Variants in NCKAP5L observed in about 807,000 individuals in gnomAD.
NCKAP5L encodes nck-associated protein 5-like.
In NCKAP5L, 54 loss-of-function variants were observed where a neutral mutation model predicts 103.2. The observed-to-expected ratio is 0.52, with a 90% confidence interval of 0.42 to 0.66. The LOEUF (loss-of-function observed/expected upper bound fraction) is 0.66. Ranked by LOEUF, NCKAP5L falls within the 30% of genes least tolerant of loss-of-function variation. The pLI is 0.00. For missense variants in NCKAP5L, 1,733 were observed against 1,750.6 expected (o/e 0.99, Z 0.18); for synonymous variants, 762 against 748.6 (o/e 1.02, Z -0.29).
In NCKAP5L at chr12:49,796,401, G is replaced by T. The variant is rs905680692; in HGVS notation, c.1459C>A (p.Pro487Thr). Residue 487 changes from proline to threonine, a missense_variant, in exon 8 of 13, where the codon CCC (proline) becomes ACC (threonine). Pro to Thr is a conservative substitution (Grantham distance 38, BLOSUM62 -1). Transcript: ENST00000335999. ...CCGTCTGAGCCACTGTTCCGACAGG[G>T]GATTCGCGAGTTCCGGGGGAGCTGG... Reference protein sequence around the residue: ...SPQLPRNSRIPCRNSGSDGSP... With the variant: ...SPQLPRNSRITCRNSGSDGSP... 6.3e-7 allele frequency: 1 copy of T among 1,577,268 alleles called. No individual in the cohort carries two copies. The highest frequency in any genetic ancestry group is 2.3e-5 in the East Asian group (1 of 44,408).
chr12:49,822,051 A>G (rs1379808915), intron 1 of NCKAP5L, among the ~76,000 whole-genome samples: 1 of 152,150 alleles, frequency 6.6e-6, no homozygotes, highest in Non-Finnish European at 1.5e-5. Context: ...TGGGAGGTAA[A>G]TAGGTCATGG....
intron 6 of NCKAP5L, among the ~76,000 whole-genome samples, chr12:49,798,738 T>C (rs1946087490): frequency 6.6e-6 from 1 of 152,216 alleles, no homozygotes. Flanking sequence ...CCAGTCTAAC[T>C]CTGGGTGCCT....
intron 8 of NCKAP5L, 108 bp downstream of exon 8, chr12:49,794,657 G>T: frequency 2.3e-6 from 2 of 888,732 alleles, no homozygotes; most frequent in Non-Finnish European, 3.2e-6. Context: ...CCTCTGGGAA[G>T]CCCCAGCTCC....
intron 1 of NCKAP5L, among the ~76,000 whole-genome samples, chr12:49,817,257 A>T (rs185235164): frequency 4.6e-5 from 7 of 152,332 alleles, no homozygotes; most frequent in Admixed American, 3.3e-4. Flanking sequence ...TGCAATCCCT[A>T]TCAAGATATC....
Position 49,796,631 on chromosome 12 carries a change from A to G in NCKAP5L, c.1229T>C (p.Met410Thr). ...QGPLPFLSMF[M>T]GAGDAPLGSR... ...GCCCAGTGGGGCATCCCCAGCACCC[A>G]TGAACATGCTAAGGAAGGGGAGGGG... is the stretch of plus-strand genomic sequence containing the variant. The change falls in exon 8 of 13, where the codon ATG (methionine) becomes ACG (threonine). Residue 410 changes from methionine to threonine, a missense_variant. Transcript: ENST00000335999. The G allele has an allele frequency of 1.3e-6, 2 of 1,592,018 alleles. No individual in the cohort carries two copies. The highest frequency in any genetic ancestry group is 1.7e-6 in the Non-Finnish European group (2 of 1,170,090).
Position 49,793,449 on chromosome 12 carries a change from G to A in NCKAP5L, c.3259-16C>T, listed in dbSNP as rs1343970643. On this transcript the variant is annotated splice_polypyrimidine_tract_variant and intron_variant, in intron 9 of 12. Coordinates refer to ENST00000335999, the MANE Select transcript of NCKAP5L (RefSeq NM_001037806.4). ...CGCTGCTCGGCTGTGTGGGATACAG[G>A]AGACCTCATAGTCCACTCCTCCCCC... The A allele has an allele frequency of 1.9e-6, 3 of 1,608,622 alleles. No homozygotes were observed. The Admixed American group carries it at 5.0e-5, about 27-fold the overall frequency.
intron 1 of NCKAP5L, among the ~76,000 whole-genome samples, chr12:49,822,512 G>A (rs1453609321): frequency 6.6e-6 from 1 of 151,710 alleles, no homozygotes; most frequent in Non-Finnish European, 1.5e-5. Context: ...ACTAATAAAT[G>A]ATTATGGGGG....
chr12:49,815,110 C>A (rs1946283050), intron 1 of NCKAP5L, among the ~76,000 whole-genome samples: 1 of 152,194 alleles, frequency 6.6e-6, no homozygotes, highest in Admixed American at 6.5e-5. Flanking sequence ...TAGGCAGTAT[C>A]TATTAATTGG....
Position 49,796,186 on chromosome 12 carries a change from G to A in NCKAP5L, c.1674C>T (p.Asn558=). ...PGPVVSPCYE[N]ILDLSRSTFR... Reference sequence around the variant, plus strand: ...AGGTGCTCCGAGAAAGGTCCAGAATGTTCTCATAGCAGGGAGACACCACTG... The same window carrying A: ...AGGTGCTCCGAGAAAGGTCCAGAATATTCTCATAGCAGGGAGACACCACTG... The change falls in exon 8 of 13, where the codon AAC becomes AAT. Residue 558 remains asparagine, a synonymous_variant. Coordinates refer to ENST00000335999, the MANE Select transcript of NCKAP5L (RefSeq NM_001037806.4). 6.2e-7 allele frequency: 1 copy of A among 1,606,436 alleles called. No individual in the cohort carries two copies. The highest frequency in any genetic ancestry group is 8.5e-7 in the Non-Finnish European group (1 of 1,176,654).
At chr12:49,826,818 T>A (rs1377903138) in intron 1 of NCKAP5L, among the ~76,000 whole-genome samples, 1 of 152,144 alleles carries the variant, frequency 6.6e-6, no homozygotes, top group African/African-American at 2.4e-5. Context: ...ATCATGAAGA[T>A]CCTTCTTCCC....
intron 1 of NCKAP5L, among the ~76,000 whole-genome samples, chr12:49,808,854 C>T (rs535258772): frequency 3.9e-5 from 6 of 152,296 alleles, no homozygotes; most frequent in South Asian, 2.1e-4. Flanking sequence ...ACGTCTGGGA[C>T]GCTGGGTCTG....
At position 49,794,875 on chromosome 12, in the gene NCKAP5L, T is replaced by G; in HGVS notation, c.2985A>C (p.Pro995=). 6.7e-7 allele frequency: 1 copy of G among 1,502,758 alleles called. No individual in the cohort carries two copies. Among genetic ancestry groups the G allele is most frequent in the East Asian group, 2.4e-5 (1 of 41,422 alleles). The allele number at this position is 1,502,758 out of a possible 1,614,324, so 93.1% of individuals were successfully genotyped here. The change falls in exon 8 of 13, where the codon CCA becomes CCC. Residue 995 remains proline, a synonymous_variant. Transcript: ENST00000335999. ...GCCCTGGGGCTGGGCCACCAGGCCGTGGCCGGGCCCGGCTGCTTAGGTAGG... is the reference window on the plus strand; with the variant it reads ...GCCCTGGGGCTGGGCCACCAGGCCGGGGCCGGGCCCGGCTGCTTAGGTAGG... The part of the protein sequence containing the change: ...EKAYLSSRAR[P]RPGGPAPGPN...
At chr12:49,801,746 G>A in intron 6 of NCKAP5L, 102 bp downstream of exon 6, 1 of 1,418,826 alleles carries the variant, frequency 7.0e-7, no homozygotes, top group Non-Finnish European at 9.7e-7. Flanking sequence ...GACAGCTGAT[G>A]GCCTGCTTCC....
intron 1 of NCKAP5L, among the ~76,000 whole-genome samples, chr12:49,816,036 A>C (rs1946291345): frequency 6.6e-6 from 1 of 152,200 alleles, no homozygotes; most frequent in Non-Finnish European, 1.5e-5. Context: ...TCTTCGGACA[A>C]GCTTTCCTGG....
In NCKAP5L at chr12:49,792,094, T is replaced by C. The variant is rs1174957125; in HGVS notation, c.3793-43A>G. The C allele has an allele frequency of 6.9e-7, 1 of 1,458,782 alleles. No homozygotes were observed. The highest frequency in any genetic ancestry group is 2.4e-5 in the East Asian group (1 of 41,786). 90.4% of individuals were successfully genotyped at this position (1,458,782 alleles called of 1,614,324 possible). On this transcript the variant is annotated intron_variant, in intron 12 of 12. Coordinates refer to ENST00000335999, the MANE Select transcript of NCKAP5L (RefSeq NM_001037806.4). The surrounding 1 kb of genome is among the most constrained non-coding windows in gnomAD (Gnocchi z 4.5). ...GCTCGGGAGGAAGCTCCTCTCCACC[T>C]TTCGGCCCAGCCTCAGAGGCACTGA...
chr12:49,826,553 A>G (rs1003972595), intron 1 of NCKAP5L, among the ~76,000 whole-genome samples: 1 of 152,204 alleles, frequency 6.6e-6, no homozygotes, highest in Non-Finnish European at 1.5e-5. Flanking sequence ...TCTAAATGGA[A>G]CCATTCTGCC....
At chr12:49,804,160 T>A in intron 2 of NCKAP5L, 80 bp from the exon 3 acceptor site, 3 of 1,379,020 alleles carry the variant, frequency 2.2e-6, no homozygotes, top group Non-Finnish European at 1.9e-6. Context: ...CTTAGGTCAG[T>A]GTGACCTATA....
chr12:49,811,040 A>C (rs1946234569), intron 1 of NCKAP5L, among the ~76,000 whole-genome samples: 1 of 152,198 alleles, frequency 6.6e-6, no homozygotes, highest in Non-Finnish European at 1.5e-5. Flanking sequence ...GAACACTTGA[A>C]ATGTGGCTAG....
chr12:49,795,009 G>A lies in NCKAP5L; in HGVS notation c.2851C>T (p.Arg951Trp), dbSNP rs370752867. 26 of 1,601,882 alleles carry A rather than the reference G, an allele frequency of 1.6e-5. No homozygotes were observed. The highest frequency in any genetic ancestry group is 4.5e-5 in the South Asian group (4 of 89,498). The change falls in exon 8 of 13, where the codon CGG becomes TGG. Residue 951 changes from arginine (R) to tryptophan (W), a missense_variant. By Grantham distance (101) the Arg-to-Trp change is moderately radical. Transcript: ENST00000335999. ...KEGAGGGSPLRREVKMEARKL... is the reference protein window; with the variant it reads ...KEGAGGGSPLWREVKMEARKL... ...CGGGCTTCCATCTTGACTTCCCTCC[G>A]GAGCGGGGAGCCCCCGCCAGCCCCC...
Sources: allele counts gnomAD v4.1 joint callset (sites outside exome capture counted in the v4.1 genomes callset), GRCh38; gene constraint gnomAD v4.1.1; non-coding constraint Gnocchi (gnomAD v3.1); transcripts MANE v1.5; gene names NCBI Gene and HGNC (gene_info 2026-07-23, HGNC 2026-07-21).